The following DLG2 variants were observed in gnomAD, a reference collection of about 807,000 sequenced individuals.
DLG2 encodes the protein discs large MAGUK scaffold protein 2.
A neutral mutation model predicts 132.5 loss-of-function variants in DLG2; 45 were observed. That is an observed-to-expected ratio of 0.34 (90% CI 0.27 to 0.44). The LOEUF is 0.44. Ranked by LOEUF, DLG2 falls within the 20% of genes least tolerant of loss-of-function variation. The pLI is 1.00. For missense variants in DLG2, 1,045 were observed against 1,196.9 expected (o/e 0.87, Z 1.87); for synonymous variants, 424 against 419.6 (o/e 1.01, Z -0.13).
chr11:83,709,402 A>T (rs1379514684), intron 18 of DLG2, among the ~76,000 whole-genome samples: 1 of 150,956 alleles, frequency 6.6e-6, no homozygotes, highest in African/African-American at 2.4e-5. Context: ...TTTCAACAAG[A>T]TTGCTCATTA....
intron 3 of DLG2, among the ~76,000 whole-genome samples, chr11:85,489,049 A>G (rs1011072186): frequency 1.3e-5 from 2 of 152,172 alleles, no homozygotes; most frequent in South Asian, 2.1e-4. Flanking sequence ...AAAATTAACA[A>G]CATGACAAAG....
At chr11:85,075,446 A>G (rs1283934092) in intron 6 of DLG2, among the ~76,000 whole-genome samples, 1 of 151,924 alleles carries the variant, frequency 6.6e-6, no homozygotes, top group African/African-American at 2.4e-5. Context: ...GTATAGCCAA[A>G]CCACTTAATA....
chr11:84,581,665 T>C (rs2099516567), intron 6 of DLG2, among the ~76,000 whole-genome samples: 1 of 151,998 alleles, frequency 6.6e-6, no homozygotes, highest in Non-Finnish European at 1.5e-5. Flanking sequence ...TTCCAGCACT[T>C]TGGGAGGCCG....
At chr11:85,501,207 G>C (rs1717738431) in intron 3 of DLG2, among the ~76,000 whole-genome samples, 1 of 152,138 alleles carries the variant, frequency 6.6e-6, no homozygotes, top group Non-Finnish European at 1.5e-5. Context: ...GGGAAAACTG[G>C]CTAGCCATAT....
chr11:84,308,528 GCCAGTCCCCCGCCGTGCGC>G (rs1306611594), intron 7 of DLG2, among the ~76,000 whole-genome samples: 1 of 152,218 alleles, frequency 6.6e-6, no homozygotes, highest in East Asian at 1.9e-4. Context: ...GGAGCTGCCT[GCCAGTCCCCCGCCGTGCGC>G]CCGCACTCCT....
At chr11:84,702,018 T>C (rs1182806630) in intron 6 of DLG2, among the ~76,000 whole-genome samples, 1 of 151,642 alleles carries the variant, frequency 6.6e-6, no homozygotes, top group Non-Finnish European at 1.5e-5. Flanking sequence ...TCTCCTCTGC[T>C]GGGCCATATA....
chr11:85,506,221 T>A (rs934809057), intron 3 of DLG2, among the ~76,000 whole-genome samples: 11 of 152,334 alleles, frequency 7.2e-5, no homozygotes, highest in African/African-American at 2.4e-4. Flanking sequence ...CTCCTTCAGT[T>A]CTGCTCTGAT....
At chr11:85,467,578 T>C (rs1352171364) in intron 3 of DLG2, among the ~76,000 whole-genome samples, 2 of 152,214 alleles carry the variant, frequency 1.3e-5, no homozygotes, top group Non-Finnish European at 2.9e-5. Flanking sequence ...CATGTAGTTT[T>C]TGTCATTGGT....
intron 7 of DLG2, among the ~76,000 whole-genome samples, chr11:84,417,544 T>C (rs1007069613): frequency 4.6e-5 from 7 of 152,152 alleles, no homozygotes; most frequent in African/African-American, 1.7e-4. Flanking sequence ...TCCAGGTCAG[T>C]TTGAAAATCC....
chr11:85,154,814 A>G (rs1202222956), intron 4 of DLG2, among the ~76,000 whole-genome samples, 163 bp from the exon 5 acceptor site: 1 of 152,202 alleles, frequency 6.6e-6, no homozygotes, highest in Non-Finnish European at 1.5e-5. Context: ...ACCCATTTTT[A>G]TATTGCTCCC....
rs370300154 is a variant in DLG2, at chr11:84,620,662, G to A, written c.358-85931C>T. ...GTATTCCTCATTCTGAAAATATAAA[G>A]AAAGAACTCAACGATATTTTTGTAC... is the stretch of plus-strand genomic sequence containing the variant. On this transcript the variant is annotated intron_variant, in intron 6 of 27. Coordinates refer to ENST00000376104, the MANE Select transcript of DLG2 (RefSeq NM_001142699.3). Among the ~76,000 whole-genome samples the A allele has an allele frequency of 7.9e-5, 12 of 152,090 alleles. 1 individual carries two copies. In the East Asian group the frequency reaches 1.9e-3, roughly 25 times the overall value.
rs183214773 is a variant in DLG2, at chr11:85,355,094, T to C, written c.41-69729A>G. 7.2e-5 allele frequency among the ~76,000 whole-genome samples: 11 copies of C among 152,298 alleles called. No individual in the cohort carries two copies. The East Asian group carries it at 2.1e-3, about 29-fold the overall frequency. ...CATTTAATAAATCAGGCTTTAATGTTATAATACATGAAATTTTTGTGGTAT... is the reference window on the plus strand; with the variant it reads ...CATTTAATAAATCAGGCTTTAATGTCATAATACATGAAATTTTTGTGGTAT... On this transcript the variant is annotated intron_variant, in intron 3 of 27. Transcript: ENST00000376104.
At position 84,579,188 on chromosome 11, in the gene DLG2, C is replaced by CGTGTATGTGTGTGT. The variant is rs1555057730; in HGVS notation, c.358-44458_358-44457insACACACACATACAC. Among the ~76,000 whole-genome samples the CGTGTATGTGTGTGT allele has an allele frequency of 3.3e-3, 486 of 145,690 alleles. 4 individuals carry two copies. The highest frequency in any genetic ancestry group is 0.013 in the Admixed American group (186 of 14,642). ...GAACTAATACACCTTGCATTATTCACGTGTGTGTGTGTGTGTGTGTGTGTG... is the reference window on the plus strand; with the variant it reads ...GAACTAATACACCTTGCATTATTCACGTGTATGTGTGTGTGTGTGTGTGTGTGTGTGTGTGTGTG... On this transcript the variant is annotated intron_variant, in intron 6 of 27. Coordinates refer to ENST00000376104, the MANE Select transcript of DLG2 (RefSeq NM_001142699.3).
intron 10 of DLG2, among the ~76,000 whole-genome samples, chr11:84,065,285 C>G (rs2096653893): frequency 6.6e-6 from 1 of 152,048 alleles, no homozygotes; most frequent in African/African-American, 2.4e-5. Context: ...AACAGACAAC[C>G]TACAGAATGG....
intron 6 of DLG2, among the ~76,000 whole-genome samples, chr11:85,087,163 T>G (rs1376270823): frequency 6.6e-6 from 1 of 152,174 alleles, no homozygotes; most frequent in Non-Finnish European, 1.5e-5. Flanking sequence ...ATAGACAAAT[T>G]CCTGGCCATT....
rs189871713 is a variant in DLG2 at position 84,055,749 on chromosome 11, A to G, written c.919+3566T>C. Among the ~76,000 whole-genome samples, 82 of 152,166 alleles carry G rather than the reference A, an allele frequency of 5.4e-4. 1 individual carries two copies. Among genetic ancestry groups the G allele is most frequent in the Non-Finnish European group, 8.5e-4 (58 of 68,000 alleles). On this transcript the variant is annotated intron_variant, in intron 11 of 27. Coordinates refer to ENST00000376104, the MANE Select transcript of DLG2 (RefSeq NM_001142699.3). ...ACTATTTAATTGGCACCCCCTTAAC[A>G]ATCTGTTACATTTATTCCTAGTACT...
chr11:84,774,978 A>C (rs1187267227), intron 6 of DLG2, among the ~76,000 whole-genome samples: 1 of 152,204 alleles, frequency 6.6e-6, no homozygotes, highest in Admixed American at 6.5e-5. Context: ...AAAAGAAACT[A>C]CCAACAGAGT....
chr11:83,954,525 T>C (rs2086317736), intron 14 of DLG2, among the ~76,000 whole-genome samples: 1 of 152,216 alleles, frequency 6.6e-6, no homozygotes, highest in South Asian at 2.1e-4. Context: ...AGTCTCTATG[T>C]TGGAGAAATC....
intron 6 of DLG2, among the ~76,000 whole-genome samples, chr11:84,610,970 G>C (rs1023835864): frequency 6.6e-6 from 1 of 150,520 alleles, no homozygotes; most frequent in African/African-American, 2.5e-5. Flanking sequence ...ACTCTAGAAA[G>C]TCTACCTTAA....
Sources: allele counts gnomAD v4.1 joint callset (sites outside exome capture counted in the v4.1 genomes callset), GRCh38; gene constraint gnomAD v4.1.1; transcripts MANE v1.5; gene names NCBI Gene and HGNC (gene_info 2026-07-23, HGNC 2026-07-21).